Variants in CSGALNACT1 observed in about 807,000 individuals in gnomAD.
CSGALNACT1 encodes chondroitin sulfate N-acetylgalactosaminyltransferase 1.
In CSGALNACT1, 52 loss-of-function variants were observed where a neutral mutation model predicts 51.0. The observed-to-expected ratio is 1.02, with a 90% CI of 0.82 to 1.29. CSGALNACT1 has a LOEUF of 1.29. Among genes scored for constraint, CSGALNACT1 ranks in the 50% most tolerant of loss-of-function variants. CSGALNACT1 has a pLI of 0.00. For synonymous variants in CSGALNACT1, 341 were observed against 254.4 expected (o/e 1.34, Z -3.24); for missense variants, 935 against 679.2 (o/e 1.38, Z -4.19).
At chr8:19,740,518 G>C (rs1366235327) in intron 1 of CSGALNACT1, among the ~76,000 whole-genome samples, 1 of 152,188 alleles carries the variant, frequency 6.6e-6, no homozygotes, top group Admixed American at 6.5e-5. Flanking sequence ...TTCAGAGTGA[G>C]GAGGATTTTC....
intron 1 of CSGALNACT1, among the ~76,000 whole-genome samples, chr8:19,672,041 T>C (rs1375010155): frequency 6.6e-6 from 1 of 152,172 alleles, no homozygotes; most frequent in East Asian, 1.9e-4. Context: ...AAGTGGTACA[T>C]TTACATAGAA....
intron 3 of CSGALNACT1, among the ~76,000 whole-genome samples, chr8:19,534,555 G>C (rs1343208484): frequency 7.9e-5 from 12 of 152,114 alleles, no homozygotes; most frequent in Non-Finnish European, 1.8e-4. Context: ...GTGCACAAGT[G>C]GGGAAAACAC....
chr8:19,468,882 T>C (rs1179090002), intron 4 of CSGALNACT1, among the ~76,000 whole-genome samples: 1 of 152,090 alleles, frequency 6.6e-6, no homozygotes, highest in Non-Finnish European at 1.5e-5. Flanking sequence ...AGGAAGAGTC[T>C]GTAGATTAAG....
At chr8:19,692,123 G>A (rs1027779097) in intron 1 of CSGALNACT1, among the ~76,000 whole-genome samples, 1 of 152,060 alleles carries the variant, frequency 6.6e-6, no homozygotes, top group South Asian at 2.1e-4. Flanking sequence ...TCACTATCAC[G>A]AGAACAGCAT....
chr8:19,688,749 C>T (rs2154213616), intron 1 of CSGALNACT1: 1 of 152,430 alleles, frequency 6.6e-6, no homozygotes, highest in Admixed American at 6.5e-5. Context: ...GCATCGTCTA[C>T]ACCTGCTGCT....
At chr8:19,606,975 G>A (rs990824471), upstream of CSGALNACT1, among the ~76,000 whole-genome samples, 6 of 152,170 alleles carry the variant, frequency 3.9e-5, no homozygotes, top group African/African-American at 1.2e-4. Context: ...CTAATACGGG[G>A]AAACCCTGTC....
At chr8:19,698,068 C>CG (rs5889885) in intron 1 of CSGALNACT1, among the ~76,000 whole-genome samples, 46,960 of 151,988 alleles carry the variant, frequency 0.31, 7,462 homozygotes, top group Middle Eastern at 0.43. Flanking sequence ...AGCTCCACTG[C>CG]GGGGGCTGAA....
chr8:19,655,485 C>A (rs2058178288), intron 1 of CSGALNACT1, among the ~76,000 whole-genome samples: 2 of 152,004 alleles, frequency 1.3e-5, no homozygotes, highest in African/African-American at 4.8e-5. Flanking sequence ...CTCAGCCTCC[C>A]AAGTAGCTGG....
intron 6 of CSGALNACT1, among the ~76,000 whole-genome samples, chr8:19,434,043 C>T (rs2153733261): frequency 6.6e-6 from 1 of 152,280 alleles, no homozygotes; most frequent in Non-Finnish European, 1.5e-5. Context: ...ATAAAGCTCC[C>T]TTTCACACCA....
chr8:19,410,127 G>A (rs1333845686), intron 8 of CSGALNACT1, among the ~76,000 whole-genome samples: 1 of 152,208 alleles, frequency 6.6e-6, no homozygotes, highest in African/African-American at 2.4e-5. Context: ...CACAGGGAAT[G>A]GGGACCTGCT....
At chr8:19,483,162 G>A (rs2071918117) in intron 4 of CSGALNACT1, among the ~76,000 whole-genome samples, 1 of 152,164 alleles carries the variant, frequency 6.6e-6, no homozygotes, top group South Asian at 2.1e-4. Context: ...TCTCAGCCTG[G>A]AATTACAACA....
chr8:19,666,831 G>GAGAGAGAAAGAA (rs1554794476), intron 1 of CSGALNACT1, among the ~76,000 whole-genome samples: 25 of 24,928 alleles, frequency 1.0e-3, no homozygotes, highest in East Asian at 4.6e-3. Flanking sequence ...GAGAGAGAGA[G>GAGAGAGAAAGAA]AGAAAGAAAG....
chr8:19,726,682 A>C (rs2063419875), intron 1 of CSGALNACT1, among the ~76,000 whole-genome samples: 1 of 152,226 alleles, frequency 6.6e-6, no homozygotes, highest in Non-Finnish European at 1.5e-5. Context: ...AATGAGTATA[A>C]AGTCATATGA....
intron 1 of CSGALNACT1, among the ~76,000 whole-genome samples, chr8:19,700,421 G>A (rs555001696): frequency 1.3e-5 from 2 of 152,238 alleles, no homozygotes; most frequent in South Asian, 4.1e-4. Context: ...CAGGCTAATA[G>A]CCTTCCTTTT....
At chr8:19,448,831 G>A (rs1345829942) in intron 5 of CSGALNACT1, among the ~76,000 whole-genome samples, 1 of 152,182 alleles carries the variant, frequency 6.6e-6, no homozygotes, top group Non-Finnish European at 1.5e-5. Flanking sequence ...CAAATGAAAT[G>A]ACATGTAAAA....
At chr8:19,569,434 A>T (rs189280501) in intron 3 of CSGALNACT1, among the ~76,000 whole-genome samples, 8 of 152,298 alleles carry the variant, frequency 5.3e-5, no homozygotes, top group Admixed American at 3.9e-4. Context: ...TGATACAATA[A>T]AGCTTTTTGA....
chr8:19,746,037 G>T (rs555656047), intron 1 of CSGALNACT1, among the ~76,000 whole-genome samples: 1 of 152,262 alleles, frequency 6.6e-6, no homozygotes, highest in South Asian at 2.1e-4. Flanking sequence ...ATATCTGGGA[G>T]ACCTGAGGGT....
At chr8:19,569,232 C>G (rs2042503736) in intron 3 of CSGALNACT1, among the ~76,000 whole-genome samples, 1 of 152,134 alleles carries the variant, frequency 6.6e-6, no homozygotes, top group South Asian at 2.1e-4. Context: ...ATGCTACAGA[C>G]AAGCATAATG....
intron 1 of CSGALNACT1, among the ~76,000 whole-genome samples, chr8:19,679,009 C>A (rs577963647): frequency 6.6e-6 from 1 of 152,298 alleles, no homozygotes; most frequent in East Asian, 1.9e-4. Context: ...ATATCATTAT[C>A]CCTATTCTAT....
Sources: allele counts gnomAD v4.1 joint callset (sites outside exome capture counted in the v4.1 genomes callset), GRCh38; gene constraint gnomAD v4.1.1; transcripts MANE v1.5; gene names NCBI Gene and HGNC (gene_info 2026-07-23, HGNC 2026-07-21).